Variants in ZDHHC13 observed in about 807,000 individuals in gnomAD.
ZDHHC13 encodes zDHHC palmitoyltransferase 13.
A neutral mutation model predicts 86.0 loss-of-function variants in ZDHHC13; 85 were observed. That is an observed-to-expected ratio of 0.99 (90% CI 0.83 to 1.18). The LOEUF is 1.18. ZDHHC13 is among the 50% of genes most tolerant of loss of function. The pLI, the probability that ZDHHC13 is intolerant of heterozygous loss-of-function variation, is 0.00. For synonymous variants in ZDHHC13, 263 were observed against 246.4 expected (o/e 1.07, Z -0.63); for missense variants, 711 against 730.2 (o/e 0.97, Z 0.30).
Position 19,172,722 on chromosome 11 carries a change from G to T in ZDHHC13, c.1633-1G>T, listed in dbSNP as rs1444637045. The T allele has an allele frequency of 1.9e-6, 3 of 1,590,534 alleles. No individual in the cohort carries two copies. Among genetic ancestry groups the T allele is most frequent in the South Asian group, 2.3e-5 (2 of 86,794 alleles). On this transcript the variant is annotated splice_acceptor_variant, in intron 15 of 16. Coordinates refer to ENST00000446113, the MANE Select transcript of ZDHHC13 (RefSeq NM_019028.3). LOFTEE classifies it high-confidence loss of function. ...TGCAACCTTCCACCCTTCTTTTTCA[G>T]ATTGCCTTTCTGGGCCTGACCTCCC...
intron 9 of ZDHHC13, among the ~76,000 whole-genome samples, chr11:19,158,665 G>A (rs966682654): frequency 8.5e-5 from 13 of 152,156 alleles, no homozygotes; most frequent in African/African-American, 1.4e-4. Context: ...ATATTAAATC[G>A]TTGTGAATTA....
At chr11:19,174,098 T>A (rs189002379) in intron 16 of ZDHHC13, among the ~76,000 whole-genome samples, 10 of 152,306 alleles carry the variant, frequency 6.6e-5, no homozygotes, top group Admixed American at 1.3e-4. Context: ...CTGCAGATAG[T>A]ACTGAACTCG....
intron 1 of ZDHHC13, among the ~76,000 whole-genome samples, chr11:19,128,640 T>C (rs890127583): frequency 6.6e-6 from 1 of 152,236 alleles, no homozygotes; most frequent in Non-Finnish European, 1.5e-5. Flanking sequence ...GAATTGACTT[T>C]GGCACATTAT....
intron 1 of ZDHHC13, among the ~76,000 whole-genome samples, chr11:19,141,342 T>C (rs1300093192): frequency 2.6e-5 from 4 of 152,282 alleles, no homozygotes; most frequent in African/African-American, 9.6e-5. Context: ...ATTTGGTGTA[T>C]TTGTGCTTTT....
At chr11:19,154,026 A>C (rs888054399) in intron 8 of ZDHHC13, among the ~76,000 whole-genome samples, 2 of 152,224 alleles carry the variant, frequency 1.3e-5, no homozygotes, top group Non-Finnish European at 2.9e-5. Context: ...GTCACTTATC[A>C]GCTCACATTC....
chr11:19,156,593 A>G (rs1222315273), intron 9 of ZDHHC13, among the ~76,000 whole-genome samples: 3 of 152,172 alleles, frequency 2.0e-5, no homozygotes, highest in African/African-American at 7.2e-5. Context: ...CTCAATAATC[A>G]TATCACCCCC....
At chr11:19,135,635 A>G (rs1342611007) in intron 1 of ZDHHC13, among the ~76,000 whole-genome samples, 1 of 152,202 alleles carries the variant, frequency 6.6e-6, no homozygotes, top group Non-Finnish European at 1.5e-5. Flanking sequence ...CAGACAAACA[A>G]AAAGACAGCA....
Position 19,165,051 on chromosome 11 carries a change from G to T in ZDHHC13, c.1297-1G>T, listed in dbSNP as rs1156908247. On this transcript the variant is annotated splice_acceptor_variant, in intron 12 of 16. Coordinates refer to ENST00000446113, the MANE Select transcript of ZDHHC13 (RefSeq NM_019028.3). LOFTEE classifies it high-confidence loss of function. Reference sequence around the variant, plus strand: ...TAGGCCTCTCTTAATTGCCCACTTAGATAAGGAAGCCATTAAGGTCACTCC... The same window carrying T: ...TAGGCCTCTCTTAATTGCCCACTTATATAAGGAAGCCATTAAGGTCACTCC... 6.2e-7 allele frequency: 1 copy of T among 1,611,642 alleles called. No homozygotes were observed. The highest frequency in any genetic ancestry group is 8.5e-7 in the Non-Finnish European group (1 of 1,178,794).
rs1554961794 is a variant in ZDHHC13, at chr11:19,133,920, CATATAT to C, written c.28-9040_28-9035del. Among the ~76,000 whole-genome samples the C allele has an allele frequency of 4.1e-4, 34 of 83,434 alleles. 2 individuals are homozygous for C. The highest frequency in any genetic ancestry group is 6.2e-4 in the African/African-American group (16 of 26,016). The allele number at this position is 83,434 out of a possible 152,430, so 54.7% of individuals were successfully genotyped here. On this transcript the variant is annotated intron_variant, in intron 1 of 16. Coordinates refer to ENST00000446113, the MANE Select transcript of ZDHHC13 (RefSeq NM_019028.3). ...TTCTTTACTCTTTACGAAAGAAGTC[CATATAT>C]ATATATATATATATATACACGTATG...
chr11:19,148,266 G>T (rs1849522186), intron 4 of ZDHHC13, among the ~76,000 whole-genome samples: 1 of 140,764 alleles, frequency 7.1e-6, no homozygotes, highest in Admixed American at 7.1e-5. Flanking sequence ...TCGGTGGTTG[G>T]TGGGGTTGAC....
chr11:19,172,204 C>T (rs1276777392), intron 15 of ZDHHC13, among the ~76,000 whole-genome samples: 1 of 152,120 alleles, frequency 6.6e-6, no homozygotes. Context: ...TCCCAAGTAG[C>T]TGGGATTACA....
chr11:19,133,920 C>CATATATATATATATATAT (rs1554961794), intron 1 of ZDHHC13, among the ~76,000 whole-genome samples: 94 of 83,396 alleles, frequency 1.1e-3, no homozygotes, highest in Admixed American at 7.0e-3. Flanking sequence ...GAAAGAAGTC[C>CATATATATATATATATAT]ATATATATAT....
At chr11:19,124,369 C>T (rs986437681) in intron 1 of ZDHHC13, among the ~76,000 whole-genome samples, 2 of 151,996 alleles carry the variant, frequency 1.3e-5, no homozygotes, top group Non-Finnish European at 2.9e-5. Flanking sequence ...AGGGAAGATG[C>T]ACCCAATTGT....
chr11:19,130,800 C>T (rs1036139712), intron 1 of ZDHHC13, among the ~76,000 whole-genome samples: 6 of 150,812 alleles, frequency 4.0e-5, no homozygotes, highest in African/African-American at 1.2e-4. Context: ...GTATTCTTAT[C>T]TTTGCTGCTT....
intron 4 of ZDHHC13, 104 bp downstream of exon 4, chr11:19,147,777 C>CCCA (rs1565031024): frequency 7.8e-6 from 6 of 767,746 alleles, no homozygotes; most frequent in Non-Finnish European, 1.1e-5. Flanking sequence ...TTTCTTCCCC[C>CCCA]CCCCCCTTTA....
At chr11:19,119,347 C>T (rs984748426) in intron 1 of ZDHHC13, among the ~76,000 whole-genome samples, 5 of 152,104 alleles carry the variant, frequency 3.3e-5, no homozygotes, top group Admixed American at 6.5e-5. Context: ...CCTTGTGATC[C>T]GCCCGCCTCG....
intron 5 of ZDHHC13, among the ~76,000 whole-genome samples, chr11:19,150,252 A>G (rs1347432392): frequency 6.6e-6 from 1 of 152,138 alleles, no homozygotes; most frequent in Non-Finnish European, 1.5e-5. Flanking sequence ...GGAAATTTTC[A>G]TATTTTACTA....
In ZDHHC13 at chr11:19,119,357, G is replaced by A. The variant is rs754468897; in HGVS notation, c.27+2081G>A. Among the ~76,000 whole-genome samples, 87 of 152,170 alleles carry A rather than the reference G, an allele frequency of 5.7e-4. 2 individuals carry two copies. Among genetic ancestry groups the A allele is most frequent in the Admixed American group, 1.5e-3 (23 of 15,298 alleles). On this transcript the variant is annotated intron_variant, in intron 1 of 16. Coordinates refer to ENST00000446113, the MANE Select transcript of ZDHHC13 (RefSeq NM_019028.3). ...CCTGACCTTGTGATCCGCCCGCCTCGGCCTCCCAAAATGCTGGCATTACAG... is the reference window on the plus strand; with the variant it reads ...CCTGACCTTGTGATCCGCCCGCCTCAGCCTCCCAAAATGCTGGCATTACAG...
chr11:19,149,408 TCTC>T, intron 5 of ZDHHC13, 77 bp downstream of exon 5: 1 of 1,341,476 alleles, frequency 7.5e-7, no homozygotes, highest in Non-Finnish European at 9.8e-7. Context: ...AGTAGTCTCT[TCTC>T]ATTTTTAAAG....
Sources: allele counts gnomAD v4.1 joint callset (sites outside exome capture counted in the v4.1 genomes callset), GRCh38; gene constraint gnomAD v4.1.1; transcripts MANE v1.5; gene names NCBI Gene and HGNC (gene_info 2026-07-23, HGNC 2026-07-21).